The following AKT3 variants were observed in gnomAD, a reference collection of about 807,000 sequenced individuals.
The protein encoded by AKT3 is RAC-gamma serine/threonine-protein kinase.
Under a neutral mutation model 65.3 loss-of-function variants are expected in AKT3, and 15 were observed. That is an observed-to-expected ratio of 0.23 (90% CI 0.15 to 0.35). The LOEUF is 0.35. Ranked by LOEUF, AKT3 falls within the 10% of genes least tolerant of loss-of-function variation. The probability of loss-of-function intolerance (pLI) is 1.00; values close to 1 mark genes in which losing one functional copy is unlikely to be tolerated. For synonymous variants in AKT3, 206 were observed against 183.8 expected (o/e 1.12, Z -0.98); for missense variants, 243 against 576.5 (o/e 0.42, Z 5.92).
At chr1:243,839,407 T>C (rs1353492700) in intron 2 of AKT3, among the ~76,000 whole-genome samples, 1 of 152,196 alleles carries the variant, frequency 6.6e-6, no homozygotes, top group Non-Finnish European at 1.5e-5. Context: ...AACCAAGTTG[T>C]AAGGAGCTGT....
At chr1:243,516,223 T>C (rs1195061890) in intron 12 of AKT3, among the ~76,000 whole-genome samples, 1 of 152,230 alleles carries the variant, frequency 6.6e-6, no homozygotes, top group Non-Finnish European at 1.5e-5. Flanking sequence ...TATTTCTTCT[T>C]GGTAATTTGT....
intron 2 of AKT3, among the ~76,000 whole-genome samples, chr1:243,824,099 A>T (rs1694017616): frequency 1.3e-5 from 2 of 152,228 alleles, no homozygotes; most frequent in African/African-American, 2.4e-5. Flanking sequence ...CTCAGATATA[A>T]GACCACAGGT....
intron 4 of AKT3, among the ~76,000 whole-genome samples, chr1:243,660,019 C>T (rs4596870): frequency 0.21 from 31,253 of 151,506 alleles, 3,548 homozygotes; most frequent in East Asian, 0.32. Context: ...AGGATTCCCT[C>T]TTTTTCTATT....
intron 4 of AKT3, among the ~76,000 whole-genome samples, chr1:243,660,673 C>A (rs1439290831): frequency 6.6e-6 from 1 of 152,194 alleles, no homozygotes; most frequent in Admixed American, 6.5e-5. Context: ...CCCTCTCTCA[C>A]CACTCCTGTT....
chr1:243,843,814 G>A (rs190071728), intron 1 of AKT3, among the ~76,000 whole-genome samples: 103 of 150,258 alleles, frequency 6.9e-4, no homozygotes, highest in African/African-American at 2.4e-3. Context: ...ACCACGCCCT[G>A]CTAATTTTTG....
chr1:243,790,130 C>T (rs544065994), intron 2 of AKT3, among the ~76,000 whole-genome samples: 65 of 152,280 alleles, frequency 4.3e-4, no homozygotes, highest in Admixed American at 1.4e-3. Context: ...GCATTAGCTA[C>T]GACCAAGAAA....
At chr1:243,545,322 G>A (rs1672590227) in intron 12 of AKT3, among the ~76,000 whole-genome samples, 188 bp downstream of exon 12, 1 of 152,170 alleles carries the variant, frequency 6.6e-6, no homozygotes, top group Non-Finnish European at 1.5e-5. Context: ...AAAATCTCAA[G>A]AGGCATTTGG....
intron 2 of AKT3, among the ~76,000 whole-genome samples, chr1:243,798,551 T>C (rs1342631001): frequency 6.6e-6 from 1 of 151,986 alleles, no homozygotes; most frequent in African/African-American, 2.4e-5. Flanking sequence ...TCTATTTATG[T>C]TCTTGATATT....
chr1:243,781,848 G>T (rs1422986740), intron 2 of AKT3, among the ~76,000 whole-genome samples: 1 of 151,966 alleles, frequency 6.6e-6, no homozygotes. Flanking sequence ...TTTGAGACAG[G>T]GTCTTGCTCA....
intron 2 of AKT3, among the ~76,000 whole-genome samples, chr1:243,810,176 A>G (rs1693035082): frequency 6.6e-6 from 1 of 152,242 alleles, no homozygotes; most frequent in African/African-American, 2.4e-5. Context: ...AACTAAGATG[A>G]GAGCAGAACT....
intron 2 of AKT3, among the ~76,000 whole-genome samples, chr1:243,767,344 A>G (rs1689893413): frequency 6.6e-6 from 1 of 152,146 alleles, no homozygotes; most frequent in Non-Finnish European, 1.5e-5. Flanking sequence ...GTTATGATAA[A>G]AGGAGATAAT....
At chr1:243,777,323 G>T (rs185323762) in intron 2 of AKT3, among the ~76,000 whole-genome samples, 241 of 152,314 alleles carry the variant, frequency 1.6e-3, no homozygotes, top group Middle Eastern at 6.8e-3. Context: ...AAGAGGTGGA[G>T]CTCAGGTGGT....
At chr1:243,673,575 T>G in intron 3 of AKT3, among the ~76,000 whole-genome samples, 1 of 151,448 alleles carries the variant, frequency 6.6e-6, no homozygotes, top group East Asian at 1.9e-4. Context: ...AACCATTCAT[T>G]ACATAACATG....
chr1:243,532,418 T>G (rs1013486473), intron 12 of AKT3, among the ~76,000 whole-genome samples: 24 of 152,214 alleles, frequency 1.6e-4, no homozygotes, highest in African/African-American at 5.8e-4. Flanking sequence ...GAAATGATCA[T>G]GCAAGTTTTC....
intron 13 of AKT3, among the ~76,000 whole-genome samples, chr1:243,506,366 T>C (rs550693590): frequency 6.6e-6 from 1 of 152,334 alleles, no homozygotes; most frequent in South Asian, 2.1e-4. Flanking sequence ...TAATTCGATG[T>C]CCTCAAACCC....
chr1:243,682,421 G>A (rs905172848), intron 3 of AKT3, among the ~76,000 whole-genome samples: 1 of 152,116 alleles, frequency 6.6e-6, no homozygotes, highest in Non-Finnish European at 1.5e-5. Flanking sequence ...TTAAAATGGA[G>A]TATTTATTTG....
At chr1:243,762,913 T>C (rs575851856) in intron 2 of AKT3, among the ~76,000 whole-genome samples, 1 of 152,032 alleles carries the variant, frequency 6.6e-6, no homozygotes, top group Admixed American at 6.6e-5. Context: ...TAACAACTTA[T>C]GAAAGCAAAA....
At chr1:243,750,919 G>T (rs1335588239) in intron 2 of AKT3, among the ~76,000 whole-genome samples, 1 of 151,978 alleles carries the variant, frequency 6.6e-6, no homozygotes, top group Non-Finnish European at 1.5e-5. Flanking sequence ...TCATTAAAAA[G>T]AAATAATGTT....
intron 5 of AKT3, among the ~76,000 whole-genome samples, chr1:243,644,117 C>A (rs903949254): frequency 6.6e-6 from 1 of 152,096 alleles, no homozygotes; most frequent in African/African-American, 2.4e-5. Flanking sequence ...TGTAACACGT[C>A]AATATACAGC....
Sources: gnomAD v4.1 joint callset for allele counts (sites outside exome capture counted in the v4.1 genomes callset) on GRCh38, gnomAD v4.1.1 for gene constraint, MANE v1.5 for transcripts, NCBI Gene and HGNC (gene_info 2026-07-23, HGNC 2026-07-21) for gene names.